RAD1: variants seen among roughly 807,000 people sequenced by gnomAD.
RAD1 encodes the protein RAD1 checkpoint DNA exonuclease, also known as cell cycle checkpoint protein RAD1.
In RAD1, 21 loss-of-function variants were observed where a neutral mutation model predicts 30.0. That is an observed-to-expected ratio of 0.70 (90% confidence interval 0.50 to 1.01). RAD1 has a LOEUF of 1.01. Among genes scored for constraint, RAD1 ranks in the 50% least tolerant of loss-of-function variants. RAD1 has a pLI of 0.00. For missense variants in RAD1, 329 were observed against 329.0 expected, an observed-to-expected ratio of 1.00 and a Z score of 0.00; for synonymous variants, 109 against 113.6, an observed-to-expected ratio of 0.96 and a Z score of 0.26.
At chr5:34,914,987 C>G in intron 1 of RAD1, 26 bp from the exon 2 acceptor site, 2 of 1,385,942 alleles carry the variant, frequency 1.4e-6, no homozygotes, top group Admixed American at 2.0e-5. Flanking sequence ...AGTAAAACTC[C>G]CATCAGTGCT....
chr5:34,914,030 C>G, intron 2 of RAD1: 1 of 456,508 alleles, frequency 2.2e-6, no homozygotes, highest in African/African-American at 2.0e-5. Flanking sequence ...CATGCCCCTG[C>G]ATGAGGACAA....
At chr5:34,914,079 G>A (rs1763953498) in intron 2 of RAD1, 1 of 448,838 alleles carries the variant, frequency 2.2e-6, no homozygotes. Context: ...CTGAGATCAT[G>A]CTGTGCACTT....
chr5:34,914,644 A>G, intron 2 of RAD1, 51 bp downstream of exon 2: 1 of 1,574,678 alleles, frequency 6.4e-7, no homozygotes, highest in Admixed American at 1.7e-5. Flanking sequence ...ATTTCATTAA[A>G]TTACATTTAG....
intron 1 of RAD1, 80 bp from the exon 2 acceptor site, chr5:34,915,041 G>T: frequency 1.3e-6 from 1 of 750,026 alleles, no homozygotes; most frequent in Non-Finnish European, 2.1e-6. Context: ...GGTGGAAAGG[G>T]GCTGGGAGGC....
chr5:34,909,155 C>G (rs560208377), intron 5 of RAD1, 103 bp downstream of exon 5: 17 of 998,272 alleles, frequency 1.7e-5, no homozygotes, highest in Middle Eastern at 4.4e-4. Flanking sequence ...TTATAAAATG[C>G]TGTGCATTTT....
chr5:34,912,209 T>G (rs1763869463), intron 3 of RAD1, among the ~76,000 whole-genome samples: 1 of 152,252 alleles, frequency 6.6e-6, no homozygotes. Context: ...AGTGGATTGC[T>G]GTCATCTGTA....
chr5:34,909,176 T>C (rs1371520366), intron 5 of RAD1, 82 bp downstream of exon 5: 6 of 1,122,368 alleles, frequency 5.3e-6, no homozygotes, highest in Admixed American at 4.5e-5. Context: ...AATTAACAGA[T>C]TGAAAGTGTT....
chr5:34,908,810 T>G lies in RAD1; in HGVS notation c.804A>C (p.Glu268Asp). Reference protein sequence around the residue: ...RNEDGQICFVEYYCCPDEEVP... With the variant: ...RNEDGQICFVDYYCCPDEEVP... ...CTTCTTCATCAGGGCAGCAGTAATATTCCACAAAACATATTTGTCCATCTT... is the reference window on the plus strand; with the variant it reads ...CTTCTTCATCAGGGCAGCAGTAATAGTCCACAAAACATATTTGTCCATCTT... Residue 268 changes from glutamate (E) to aspartate (D), a missense_variant, in exon 6 of 6, where the codon GAA (glutamate) becomes GAC (aspartate). Physicochemically the swap from Glu to Asp is conservative, Grantham distance 45. Transcript: ENST00000382038. 6.2e-7 allele frequency: 1 copy of G among 1,611,532 alleles called. No individual in the cohort carries two copies. Among genetic ancestry groups the G allele is most frequent in the South Asian group, 1.1e-5 (1 of 90,838 alleles).
chr5:34,908,548 ATAATC>A lies in RAD1; in HGVS notation c.*212_*216del. The A allele has an allele frequency of 2.3e-6, 1 of 441,498 alleles. No individual in the cohort carries two copies. Among genetic ancestry groups the A allele is most frequent in the Admixed American group, 3.9e-5 (1 of 25,954 alleles). 27.3% of individuals were successfully genotyped at this position (441,498 alleles called of 1,614,324 possible). ...AGACAGAACTAAAGGACAGTCCTGA[ATAATC>A]TATGACTACAGGAAAACATTTATTT... On this transcript the variant is annotated 3_prime_UTR_variant, in exon 6 of 6. Coordinates refer to ENST00000382038, the MANE Select transcript of RAD1 (RefSeq NM_002853.4).
chr5:34,913,949 A>C (rs1198445108), intron 2 of RAD1: 1 of 457,672 alleles, frequency 2.2e-6, no homozygotes, highest in Non-Finnish European at 4.4e-6. Context: ...TTAATGCCTG[A>C]GCTCAAGCGA....
rs1763644626 is a variant in RAD1 at position 34,906,135 on chromosome 5, A to C, written c.*2630T>G. The C allele has an allele frequency of 6.6e-6, 1 of 151,934 alleles. No homozygotes were observed. The highest frequency in any genetic ancestry group is 2.1e-4 in the South Asian group (1 of 4,788). 9.4% of individuals were successfully genotyped at this position (151,934 alleles called of 1,614,324 possible). A position where few individuals can be genotyped will look rare whatever the true frequency, so the allele number is the denominator to read the frequency against. On this transcript the variant is annotated 3_prime_UTR_variant, in exon 6 of 6. Transcript: ENST00000382038. ...ACACCCAGCTAATTTTTGTATTTTTAGTAGAGGTAGGGGTTTCACCATGTT... is the reference window on the plus strand; with the variant it reads ...ACACCCAGCTAATTTTTGTATTTTTCGTAGAGGTAGGGGTTTCACCATGTT...
chr5:34,914,439 A>C (rs1763972238), intron 2 of RAD1: 2 of 476,448 alleles, frequency 4.2e-6, no homozygotes, highest in Non-Finnish European at 7.5e-6. Flanking sequence ...CTAGTTTAAT[A>C]AACTTTAGTC....
Position 34,908,657 on chromosome 5 carries a change from GCTT to G in RAD1, c.*105_*107del. 9.8e-7 allele frequency: 1 copy of G among 1,019,622 alleles called. No individual in the cohort carries two copies. The highest frequency in any genetic ancestry group is 1.6e-5 in the African/African-American group (1 of 61,928). 63.2% of individuals were successfully genotyped at this position (1,019,622 alleles called of 1,614,324 possible). ...ACCTTGCTCCTATCTTCCCCATTGTGCTTCTTCTCTATAGAAAATCCAATATGA... is the reference window on the plus strand; with the variant it reads ...ACCTTGCTCCTATCTTCCCCATTGTGCTTCTCTATAGAAAATCCAATATGA... On this transcript the variant is annotated 3_prime_UTR_variant, in exon 6 of 6. Coordinates refer to ENST00000382038, the MANE Select transcript of RAD1 (RefSeq NM_002853.4).
chr5:34,911,878 T>C, intron 3 of RAD1, 66 bp from the exon 4 acceptor site: 3 of 1,534,364 alleles, frequency 2.0e-6, no homozygotes, highest in Non-Finnish European at 2.6e-6. Flanking sequence ...CTCCTCGAAA[T>C]GATACATAAA....
Position 34,905,873 on chromosome 5 carries a change from T to C in RAD1, c.*2892A>G, listed in dbSNP as rs1168207549. The C allele has an allele frequency of 6.6e-6, 1 of 152,176 alleles. No individual in the cohort carries two copies. Among genetic ancestry groups the C allele is most frequent in the Non-Finnish European group, 1.5e-5 (1 of 68,032 alleles). The allele number at this position is 152,176 out of a possible 1,614,324, so 9.4% of individuals were successfully genotyped here. ...ATTCTTTATAAAATAAGTACCTTGA[T>C]GTTAGGGTGACTTAGAAACAATTCA... On this transcript the variant is annotated 3_prime_UTR_variant, in exon 6 of 6. Coordinates refer to ENST00000382038, the MANE Select transcript of RAD1 (RefSeq NM_002853.4).
rs1322208424 is a variant in RAD1 at position 34,907,319 on chromosome 5, C to T, written c.*1446G>A. ...GAGGTGGGGTGGTCACAATGACTAG[C>T]ATCAGTGGGTAAGGGCCAGAAAGGC... is the stretch of plus-strand genomic sequence containing the variant. On this transcript the variant is annotated 3_prime_UTR_variant, in exon 6 of 6. Coordinates refer to ENST00000382038, the MANE Select transcript of RAD1 (RefSeq NM_002853.4). 1 of 152,150 alleles carries T rather than the reference C, an allele frequency of 6.6e-6. No homozygotes were observed. The highest frequency in any genetic ancestry group is 2.4e-5 in the African/African-American group (1 of 41,420). 9.4% of individuals were successfully genotyped at this position (152,150 alleles called of 1,614,324 possible).
In RAD1 at chr5:34,908,637, G is replaced by C; in HGVS notation, c.*128C>G. 1 of 775,426 alleles carries C rather than the reference G, an allele frequency of 1.3e-6. No individual in the cohort carries two copies. The allele number at this position is 775,426 out of a possible 1,614,324, so 48.0% of individuals were successfully genotyped here. On this transcript the variant is annotated 3_prime_UTR_variant, in exon 6 of 6. Coordinates refer to ENST00000382038, the MANE Select transcript of RAD1 (RefSeq NM_002853.4). ...AGTAACTATTAGGGTACATGACCTT[G>C]CTCCTATCTTCCCCATTGTGCTTCT...
Position 34,913,557 on chromosome 5 carries a change from T to C in RAD1, c.220A>G (p.Lys74Glu). The C allele has an allele frequency of 6.3e-7, 1 of 1,594,882 alleles. No individual in the cohort carries two copies. The highest frequency in any genetic ancestry group is 2.2e-5 in the East Asian group (1 of 44,702). ...FIQAGIFQEF[K>E]VQEESVTFRI... Reference sequence around the variant, plus strand: ...AAAGTAACAGACTCTTCCTGAACTTTAAACTCCTGAAATATTCCAGCCTAT... The same window carrying C: ...AAAGTAACAGACTCTTCCTGAACTTCAAACTCCTGAAATATTCCAGCCTAT... The change falls in exon 3 of 6, where the codon AAA (lysine) becomes GAA (glutamate). Residue 74 changes from lysine (K) to glutamate (E), a missense_variant. By Grantham distance (56) the Lys-to-Glu change is moderately conservative. Transcript: ENST00000382038.
At position 34,907,434 on chromosome 5, in the gene RAD1, T is replaced by C. The variant is rs1763688248; in HGVS notation, c.*1331A>G. 6.6e-6 allele frequency: 1 copy of C among 152,234 alleles called. No individual in the cohort carries two copies. Among genetic ancestry groups the C allele is most frequent in the South Asian group, 2.1e-4 (1 of 4,836 alleles). The allele number at this position is 152,234 out of a possible 1,614,324, so 9.4% of individuals were successfully genotyped here. ...ATAGTGACTGTCCATGGAGGGACACTCAGCTGTTGTCACCTGGTACAGTAA... is the reference window on the plus strand; with the variant it reads ...ATAGTGACTGTCCATGGAGGGACACCCAGCTGTTGTCACCTGGTACAGTAA... On this transcript the variant is annotated 3_prime_UTR_variant, in exon 6 of 6. Coordinates refer to ENST00000382038, the MANE Select transcript of RAD1 (RefSeq NM_002853.4).
Sources: allele counts gnomAD v4.1 joint callset (sites outside exome capture counted in the v4.1 genomes callset), GRCh38; gene constraint gnomAD v4.1.1; transcripts MANE v1.5; gene names NCBI Gene and HGNC (gene_info 2026-07-23, HGNC 2026-07-21).